The following SS18 variants were observed in gnomAD, a reference collection of about 807,000 sequenced individuals.
SS18 encodes the protein protein SSXT.
SS18 carries 28 observed loss-of-function variants against 72.5 expected under a neutral mutation model. The ratio of observed to expected loss-of-function variants is 0.39; its 90% CI spans 0.29 to 0.53. The LOEUF is 0.53. Ranked by LOEUF, SS18 falls within the 20% of genes least tolerant of loss-of-function variation. SS18 has a pLI of 0.76. For missense variants in SS18, 518 were observed against 535.3 expected (o/e 0.97, Z 0.32); for synonymous variants, 172 against 164.2 (o/e 1.05, Z -0.37).
chr18:26,045,147 C>T (rs1416664519), intron 5 of SS18, among the ~76,000 whole-genome samples: 2 of 152,224 alleles, frequency 1.3e-5, no homozygotes, highest in Non-Finnish European at 2.9e-5. Flanking sequence ...AACAGGTCTC[C>T]CTATTTCACC....
intron 3 of SS18, among the ~76,000 whole-genome samples, chr18:26,073,139 T>C (rs2054346883): frequency 6.6e-6 from 1 of 151,974 alleles, no homozygotes; most frequent in Non-Finnish European, 1.5e-5. Flanking sequence ...AATCGTAAAA[T>C]GTTATTTAAC....
At position 26,032,516 on chromosome 18, in the gene SS18, AC is replaced by A; in HGVS notation, c.1112del (p.Gly371ValfsTer56). 6.2e-7 allele frequency: 1 copy of A among 1,613,692 alleles called. No homozygotes were observed. Among genetic ancestry groups the A allele is most frequent in the Non-Finnish European group, 8.5e-7 (1 of 1,179,770 alleles). ...QQQGYGPSQG[G>X]PGPQYPNYPQ... ...GGTAGTTAGGATACTGAGGACCTGG[AC>A]CACCCTGTGAAGGACCTGAAAATAA... is the stretch of plus-strand genomic sequence containing the variant. On this transcript the variant is annotated frameshift_variant, in exon 10 of 11. Coordinates refer to ENST00000415083, the MANE Select transcript of SS18 (RefSeq NM_001007559.3). LOFTEE classifies it high-confidence loss of function.
At chr18:26,032,779 A>G (rs1463377356) in intron 9 of SS18, among the ~76,000 whole-genome samples, 8 of 152,198 alleles carry the variant, frequency 5.3e-5, no homozygotes, top group African/African-American at 1.4e-4. Context: ...ATATATTTCA[A>G]AATGGGTAAA....
At position 26,086,856 on chromosome 18, in the gene SS18, T is replaced by G. The variant is rs148700407; in HGVS notation, c.146+645A>C. On this transcript the variant is annotated intron_variant, in intron 2 of 10. Transcript: ENST00000415083. Reference sequence around the variant, plus strand: ...GATAAGACTATACATATATTTGAAGTCATTATTGTATAATGCAGGGTAAGA... The same window carrying G: ...GATAAGACTATACATATATTTGAAGGCATTATTGTATAATGCAGGGTAAGA... Among the ~76,000 whole-genome samples the G allele has an allele frequency of 1.4e-4, 21 of 152,326 alleles. No individual in the cohort carries two copies. In the East Asian group the frequency reaches 3.1e-3, roughly 22 times the overall value.
At chr18:26,069,520 A>G (rs1021782556) in intron 3 of SS18, among the ~76,000 whole-genome samples, 1 of 150,480 alleles carries the variant, frequency 6.6e-6, no homozygotes, top group Non-Finnish European at 1.5e-5. Flanking sequence ...AAAAAAAAAA[A>G]AAAAAAGAAA....
intron 1 of SS18, among the ~76,000 whole-genome samples, chr18:26,088,024 T>A (rs779968255): frequency 6.6e-6 from 1 of 152,162 alleles, no homozygotes; most frequent in African/African-American, 2.4e-5. Context: ...TATACAGAAA[T>A]TGAATCCCCT....
intron 3 of SS18, among the ~76,000 whole-genome samples, chr18:26,064,428 T>C (rs1432046756): frequency 6.6e-6 from 1 of 152,146 alleles, no homozygotes; most frequent in Admixed American, 6.5e-5. Flanking sequence ...AGATAATACA[T>C]TATAACCAAT....
Position 26,035,812 on chromosome 18 carries a change from T to C in SS18, c.973+19A>G, listed in dbSNP as rs1444401108. On this transcript the variant is annotated intron_variant, in intron 8 of 10. Transcript: ENST00000415083. The surrounding 1 kb of genome is among the most constrained non-coding windows in gnomAD (Gnocchi z 4.4). ...AGAAGGGGATATATATGTGTATGTGTGTGAAGGTATATAGATACCTCCTTC... is the reference window on the plus strand; with the variant it reads ...AGAAGGGGATATATATGTGTATGTGCGTGAAGGTATATAGATACCTCCTTC... The C allele has an allele frequency of 1.3e-6, 2 of 1,518,444 alleles. No homozygotes were observed. The highest frequency in any genetic ancestry group is 9.1e-7 in the Non-Finnish European group (1 of 1,103,838). 94.1% of individuals were successfully genotyped at this position (1,518,444 alleles called of 1,614,324 possible).
At chr18:26,080,365 T>C in intron 2 of SS18, 1 of 985,444 alleles carries the variant, frequency 1.0e-6, no homozygotes. Flanking sequence ...TTGCACGACA[T>C]GAGATTTTCT....
chr18:26,070,354 T>G (rs1784789277), intron 3 of SS18, among the ~76,000 whole-genome samples: 1 of 152,224 alleles, frequency 6.6e-6, no homozygotes, highest in South Asian at 2.1e-4. Context: ...TTATGTCTAT[T>G]TCTATGCCAT....
chr18:26,035,967 C>T lies in SS18; in HGVS notation c.881-44G>A. ...AGACAGGAAGAAACGTTAATGGCCA[C>T]TGAGTGAAAACCCTAAAAATATTTA... On this transcript the variant is annotated intron_variant, in intron 7 of 10. Transcript: ENST00000415083. This position sits in a 1 kb window ranked among gnomAD's most constrained non-coding sequence, Gnocchi z 4.4. 1 of 1,237,412 alleles carries T rather than the reference C, an allele frequency of 8.1e-7. No homozygotes were observed. The allele number at this position is 1,237,412 out of a possible 1,614,324, so 76.7% of individuals were successfully genotyped here.
At chr18:26,062,658 A>G (rs980070861) in intron 3 of SS18, among the ~76,000 whole-genome samples, 6 of 152,202 alleles carry the variant, frequency 3.9e-5, no homozygotes, top group Non-Finnish European at 7.4e-5. Flanking sequence ...CAACTACTTT[A>G]AAGTCAAGGG....
rs1382206384 is a variant in SS18 at position 26,087,373 on chromosome 18, A to C, written c.146+128T>G. The C allele has an allele frequency of 6.4e-6, 4 of 620,626 alleles. No homozygotes were observed. The East Asian group carries it at 1.2e-4, about 18-fold the overall frequency. The allele number at this position is 620,626 out of a possible 1,614,324, so 38.4% of individuals were successfully genotyped here. On this transcript the variant is annotated intron_variant, in intron 2 of 10. Transcript: ENST00000415083. ...TCTATGAATATACTAAAAAACATTG[A>C]ATTGTACACATTAAAATAGGTGAAT...
chr18:26,065,428 G>A (rs907256907), intron 3 of SS18, among the ~76,000 whole-genome samples: 12 of 151,964 alleles, frequency 7.9e-5, no homozygotes, highest in Non-Finnish European at 1.2e-4. Flanking sequence ...ACATCTAATC[G>A]TTAAAGAATG....
chr18:26,039,497 A>C, intron 5 of SS18, 41 bp from the exon 6 acceptor site: 1 of 1,529,412 alleles, frequency 6.5e-7, no homozygotes, highest in Non-Finnish European at 8.9e-7. Flanking sequence ...TTTTTTGTAT[A>C]TAACTTTAAC....
intron 4 of SS18, among the ~76,000 whole-genome samples, chr18:26,055,079 T>C (rs192006194): frequency 6.6e-6 from 1 of 152,120 alleles, no homozygotes; most frequent in Admixed American, 6.5e-5. Context: ...CCAATGCCTC[T>C]CTAGAACTGT....
chr18:26,051,631 T>C (rs1372665582), intron 5 of SS18, among the ~76,000 whole-genome samples: 1 of 152,200 alleles, frequency 6.6e-6, no homozygotes, highest in Non-Finnish European at 1.5e-5. Flanking sequence ...TGGATCTTGC[T>C]GTTGTTTGGA....
intron 3 of SS18, among the ~76,000 whole-genome samples, chr18:26,070,819 A>G (rs906021572): frequency 6.6e-5 from 10 of 152,210 alleles, no homozygotes; most frequent in African/African-American, 2.2e-4. Context: ...ACCCCATTCT[A>G]GAAAACTTAA....
intron 3 of SS18, among the ~76,000 whole-genome samples, chr18:26,060,788 A>AAAAAAAAAAAAG (rs1173342793): frequency 9.0e-6 from 1 of 110,954 alleles, no homozygotes; most frequent in Non-Finnish European, 1.7e-5. Flanking sequence ...AAAAAAAAAA[A>AAAAAAAAAAAAG]AAAAAAAAAA....
Sources: allele counts gnomAD v4.1 joint callset (sites outside exome capture counted in the v4.1 genomes callset), GRCh38; gene constraint gnomAD v4.1.1; non-coding constraint Gnocchi (gnomAD v3.1); transcripts MANE v1.5; gene names NCBI Gene and HGNC (gene_info 2026-07-23, HGNC 2026-07-21).